PIK3C2A: variants seen among roughly 807,000 people sequenced by gnomAD.
PIK3C2A encodes the protein phosphatidylinositol-4-phosphate 3-kinase catalytic subunit type 2 alpha, also known as phosphatidylinositol 4-phosphate 3-kinase C2 domain-containing subunit alpha.
In PIK3C2A, 97 loss-of-function variants were observed where a neutral mutation model predicts 204.5. The observed-to-expected ratio is 0.47, with a 90% CI of 0.40 to 0.56. The LOEUF (loss-of-function observed/expected upper bound fraction) is 0.56, where lower values mean the gene tolerates loss of function less well. PIK3C2A is among the 20% of genes least tolerant of loss of function. PIK3C2A has a pLI of 0.00. For missense variants in PIK3C2A, 1,735 were observed against 1,969.2 expected, an observed-to-expected ratio of 0.88 and a Z score of 2.25; for synonymous variants, 653 against 664.4, an observed-to-expected ratio of 0.98 and a Z score of 0.26.
At chr11:17,140,395 A>T (rs1293473217) in intron 8 of PIK3C2A, among the ~76,000 whole-genome samples, 1 of 152,232 alleles carries the variant, frequency 6.6e-6, no homozygotes, top group Non-Finnish European at 1.5e-5. Flanking sequence ...ATAACCAAAA[A>T]TTATAAAGTT....
intron 28 of PIK3C2A, 53 bp downstream of exon 28, chr11:17,094,208 G>C (rs1848390985): frequency 2.1e-6 from 3 of 1,398,274 alleles, no homozygotes; most frequent in Non-Finnish European, 3.0e-6. Context: ...ACCTACATTT[G>C]ATAACAAGTT....
intron 32 of PIK3C2A, among the ~76,000 whole-genome samples, chr11:17,090,327 C>T (rs745767281): frequency 5.9e-5 from 9 of 152,090 alleles, no homozygotes; most frequent in Non-Finnish European, 1.2e-4. Flanking sequence ...ATCAGCCAGG[C>T]GTGGTGGCAC....
chr11:17,202,517 T>G (rs1440793512), intron 1 of PIK3C2A, among the ~76,000 whole-genome samples: 1 of 151,436 alleles, frequency 6.6e-6, no homozygotes, highest in South Asian at 2.1e-4. Flanking sequence ...GAGGTTGCAG[T>G]AGGCTGAGAT....
At chr11:17,162,339 T>TAAAAAAA (rs1160583333) in intron 2 of PIK3C2A, among the ~76,000 whole-genome samples, 8 of 131,790 alleles carry the variant, frequency 6.1e-5, no homozygotes, top group South Asian at 2.3e-4. Flanking sequence ...AGACTCCATC[T>TAAAAAAA]AAAAAAAAAA....
At chr11:17,162,880 G>C (rs984616966) in intron 2 of PIK3C2A, among the ~76,000 whole-genome samples, 4 of 152,134 alleles carry the variant, frequency 2.6e-5, no homozygotes, top group Non-Finnish European at 4.4e-5. Flanking sequence ...TTCCTTTATA[G>C]ATATTTAACC....
At chr11:17,157,729 T>C (rs1389230402) in intron 2 of PIK3C2A, among the ~76,000 whole-genome samples, 1 of 152,212 alleles carries the variant, frequency 6.6e-6, no homozygotes, top group African/African-American at 2.4e-5. Context: ...TCTGAACTAA[T>C]GCTACTTCCC....
At chr11:17,110,846 G>C (rs1266954629) in intron 21 of PIK3C2A, among the ~76,000 whole-genome samples, 4 of 152,086 alleles carry the variant, frequency 2.6e-5, no homozygotes, top group African/African-American at 7.2e-5. Context: ...TCAGTTCCCT[G>C]AACTGTACAC....
Position 17,122,929 on chromosome 11 carries a change from C to A in PIK3C2A, c.2400-116G>T. On this transcript the variant is annotated intron_variant, in intron 13 of 32. Coordinates refer to ENST00000691414, the MANE Select transcript of PIK3C2A (RefSeq NM_002645.4). ...GAGATCAACTAAATAAAAAGGATAT[C>A]TTTAAGAACATATCAGAAGGATTCA... 5.1e-6 allele frequency: 3 copies of A among 583,180 alleles called. No individual in the cohort carries two copies. In the South Asian group the frequency reaches 6.9e-5, roughly 13 times the overall value. The allele number at this position is 583,180 out of a possible 1,614,324, so 36.1% of individuals were successfully genotyped here.
At chr11:17,173,204 G>A (rs1751290610) in intron 1 of PIK3C2A, among the ~76,000 whole-genome samples, 1 of 152,150 alleles carries the variant, frequency 6.6e-6, no homozygotes, top group South Asian at 2.1e-4. Context: ...TCTGGTTGCA[G>A]AACCTACGGC....
At chr11:17,100,968 T>C (rs577015481) in intron 25 of PIK3C2A, among the ~76,000 whole-genome samples, 1 of 152,310 alleles carries the variant, frequency 6.6e-6, no homozygotes, top group South Asian at 2.1e-4. Flanking sequence ...CACACCCATA[T>C]TAATACACAA....
chr11:17,196,801 A>G (rs1214003851), intron 1 of PIK3C2A, among the ~76,000 whole-genome samples: 1 of 151,946 alleles, frequency 6.6e-6, no homozygotes, highest in African/African-American at 2.4e-5. Context: ...CGATCTCCTG[A>G]CCTCGTGATC....
chr11:17,145,906 G>A lies in PIK3C2A; in HGVS notation c.1597C>T (p.His533Tyr), dbSNP rs766494656. 1 of 1,613,512 alleles carries A rather than the reference G, an allele frequency of 6.2e-7. No individual in the cohort carries two copies. Among genetic ancestry groups the A allele is most frequent in the Non-Finnish European group, 8.5e-7 (1 of 1,179,820 alleles). Reference protein sequence around the residue: ...DDETPVDLNKHLYQIEKPCKE... With the variant: ...DDETPVDLNKYLYQIEKPCKE... ...CAAGGTTTTTCTATTTGATACAGGT[G>A]TTTGTTTAAATCCACGGGTGTTTCA... is the stretch of plus-strand genomic sequence containing the variant. Residue 533 changes from histidine to tyrosine, a missense_variant, in exon 7 of 33, where the codon CAC becomes TAC. By Grantham distance (83) the His-to-Tyr change is moderately conservative (BLOSUM62 2). Around this residue, in one of 6 missense-constraint regions of PIK3C2A, gnomAD observed 106 missense variants for 108.2 expected, o/e 0.98. Coordinates refer to ENST00000691414, the MANE Select transcript of PIK3C2A (RefSeq NM_002645.4).
intron 30 of PIK3C2A, 86 bp from the exon 31 acceptor site, chr11:17,091,742 G>C: frequency 3.4e-6 from 3 of 875,036 alleles, no homozygotes; most frequent in Non-Finnish European, 5.4e-6. Context: ...TTTCAAGACT[G>C]TCACATGTGG....
chr11:17,123,305 T>A (rs994538653), intron 13 of PIK3C2A, among the ~76,000 whole-genome samples: 2 of 152,062 alleles, frequency 1.3e-5, no homozygotes, highest in African/African-American at 2.4e-5. Flanking sequence ...TGGAGTGTAG[T>A]AGCACAACTA....
intron 3 of PIK3C2A, among the ~76,000 whole-genome samples, chr11:17,153,847 C>T (rs1257512177): frequency 2.0e-5 from 3 of 152,174 alleles, no homozygotes; most frequent in African/African-American, 7.2e-5. Context: ...TTTAAAAATC[C>T]ACTGCAAAAT....
At chr11:17,200,555 T>C (rs1044031236) in intron 1 of PIK3C2A, among the ~76,000 whole-genome samples, 1 of 152,034 alleles carries the variant, frequency 6.6e-6, no homozygotes, top group Admixed American at 6.6e-5. Context: ...GGCCAAACTA[T>C]AGGGATAAAA....
chr11:17,188,355 A>G (rs1413684046), intron 1 of PIK3C2A, among the ~76,000 whole-genome samples: 3 of 144,992 alleles, frequency 2.1e-5, no homozygotes, highest in Non-Finnish European at 4.4e-5. Context: ...AAAAAGAAAA[A>G]GAAATGTCAC....
At chr11:17,117,815 G>A (rs1341482365) in intron 18 of PIK3C2A, 144 bp from the exon 19 acceptor site, 5 of 502,900 alleles carry the variant, frequency 9.9e-6, no homozygotes, top group East Asian at 3.2e-5. Flanking sequence ...CCGGGTTCAC[G>A]CCATTCTCCT....
chr11:17,150,588 C>A lies in PIK3C2A; in HGVS notation c.1237G>T (p.Ala413Ser), dbSNP rs1850395174. ...TTTTCTCCGCATATGTTTCTTTGTG[C>A]TGTGACTGGACTTAACAAATAGCCT... is the stretch of plus-strand genomic sequence containing the variant. ...NPGYLLSPVTAQRNICGENAS... is the reference protein window; with the variant it reads ...NPGYLLSPVTSQRNICGENAS... Residue 413 changes from alanine to serine, a missense_variant, in exon 4 of 33, where the codon GCA becomes TCA. Ala to Ser is a moderately conservative substitution (Grantham distance 99). This residue lies in a region of PIK3C2A where 536 missense variants were observed against 546.7 expected (regional missense o/e 0.98). Transcript: ENST00000691414. The A allele has an allele frequency of 1.2e-6, 2 of 1,611,712 alleles. No homozygotes were observed. The highest frequency in any genetic ancestry group is 1.3e-5 in the African/African-American group (1 of 74,686).
Sources: gnomAD v4.1 joint callset for allele counts (sites outside exome capture counted in the v4.1 genomes callset) on GRCh38, gnomAD v4.1.1 for gene constraint, gnomAD v4.1.1 regional missense constraint, MANE v1.5 for transcripts, NCBI Gene and HGNC (gene_info 2026-07-23, HGNC 2026-07-21) for gene names.